The following PPARGC1A variants were observed in gnomAD, a reference collection of about 807,000 sequenced individuals.
The protein encoded by PPARGC1A is peroxisome proliferator-activated receptor gamma coactivator 1-alpha.
A neutral mutation model predicts 88.7 loss-of-function variants in PPARGC1A; 25 were observed. The observed-to-expected ratio is 0.28, with a 90% CI of 0.21 to 0.39. The LOEUF (loss-of-function observed/expected upper bound fraction) is 0.39. Ranked by LOEUF, PPARGC1A falls within the 10% of genes least tolerant of loss-of-function variation. The pLI is 1.00. For missense variants in PPARGC1A, 880 were observed against 968.7 expected (o/e 0.91, Z 1.22); for synonymous variants, 363 against 355.6 (o/e 1.02, Z -0.24).
chr4:23,836,759 T>G (rs1726094589), intron 2 of PPARGC1A, among the ~76,000 whole-genome samples: 1 of 152,158 alleles, frequency 6.6e-6, no homozygotes, highest in Admixed American at 6.5e-5. Context: ...TTTGTAATAT[T>G]TGGGTCTTCT....
At chr4:24,335,001 G>A in the PPARGC1A span, among the ~76,000 whole-genome samples, 1 of 152,316 alleles carries the variant, frequency 6.6e-6, no homozygotes, top group South Asian at 2.1e-4. Context: ...AGAACCTTCA[G>A]AGGTTTCCAT....
rs539639339 is a variant in PPARGC1A, at chr4:23,866,484, A to G, written c.234+18268T>C. ...TAATATTGGGATGTTTTAAAAATCT[A>G]TATGAAAAAAGCTCTTAACACAAGA... On this transcript the variant is annotated intron_variant, in intron 2 of 12. Coordinates refer to ENST00000264867, the MANE Select transcript of PPARGC1A (RefSeq NM_013261.5). 2.2e-4 allele frequency among the ~76,000 whole-genome samples: 33 copies of G among 152,304 alleles called. 1 individual carries two copies. The highest frequency in any genetic ancestry group is 7.7e-4 in the African/African-American group (32 of 41,566).
chr4:24,204,675 C>T, the PPARGC1A span, among the ~76,000 whole-genome samples: 1 of 152,046 alleles, frequency 6.6e-6, no homozygotes, highest in African/African-American at 2.4e-5. Flanking sequence ...CCTTCCTTTG[C>T]GACTCAGTAA....
At chr4:24,032,839 T>C in the PPARGC1A span, among the ~76,000 whole-genome samples, 1 of 152,208 alleles carries the variant, frequency 6.6e-6, no homozygotes, top group South Asian at 2.1e-4. Flanking sequence ...ACAGACCACA[T>C]GCTCAATAAA....
At chr4:24,038,055 G>A in the PPARGC1A span, among the ~76,000 whole-genome samples, 1 of 152,138 alleles carries the variant, frequency 6.6e-6, no homozygotes, top group Non-Finnish European at 1.5e-5. Flanking sequence ...ATGGCACACA[G>A]TTCAGCAAGC....
rs191577675 is a variant in PPARGC1A at position 23,802,858 on chromosome 4, A to C, written c.2020-513T>G. ...CTTCAGTATCAATCTCTTCTTGCTC[A>C]CATAGATTCTTCTCTTCACCTCTAC... is the stretch of plus-strand genomic sequence containing the variant. On this transcript the variant is annotated intron_variant, in intron 10 of 12. Coordinates refer to ENST00000264867, the MANE Select transcript of PPARGC1A (RefSeq NM_013261.5). Among the ~76,000 whole-genome samples the C allele has an allele frequency of 5.7e-3, 875 of 152,250 alleles. 3 individuals carry two copies. Among genetic ancestry groups the C allele is most frequent in the Non-Finnish European group, 9.5e-3 (645 of 68,014 alleles).
rs759947287 is a variant in PPARGC1A, at chr4:23,889,975, C to T, written c.-18G>A. 2.5e-6 allele frequency: 4 copies of T among 1,613,456 alleles called. No homozygotes were observed. The highest frequency in any genetic ancestry group is 3.4e-6 in the Non-Finnish European group (4 of 1,179,690). On this transcript the variant is annotated 5_prime_UTR_variant, in exon 1 of 13. Transcript: ENST00000264867. ...CACGCCATCCAGCTCCTGAATGACG[C>T]CAGTCAAGCTTTTTCAACTCCAATC...
chr4:24,051,730 G>A, the PPARGC1A span, among the ~76,000 whole-genome samples: 1 of 152,210 alleles, frequency 6.6e-6, no homozygotes, highest in African/African-American at 2.4e-5. Context: ...CTGGTAGGAA[G>A]AGGGGCTGGG....
chr4:24,223,315 T>G, the PPARGC1A span, among the ~76,000 whole-genome samples: 1 of 149,070 alleles, frequency 6.7e-6, no homozygotes, highest in Admixed American at 6.8e-5. Flanking sequence ...AGTGGCACGA[T>G]CTCAGCCAAC....
chr4:23,800,291 A>G (rs2932964), intron 12 of PPARGC1A, among the ~76,000 whole-genome samples: 150,716 of 152,178 alleles, frequency 0.99, 74,647 homozygotes, highest in East Asian at 1. Context: ...CAAGACACTT[A>G]TCACTTTCCT....
At chr4:23,902,515 A>G (rs1188068813), upstream of PPARGC1A, among the ~76,000 whole-genome samples, 1 of 152,202 alleles carries the variant, frequency 6.6e-6, no homozygotes, top group Non-Finnish European at 1.5e-5. Flanking sequence ...CCCTGGGGCA[A>G]TCCCATAAAA....
chr4:24,330,187 G>A, the PPARGC1A span, among the ~76,000 whole-genome samples: 2 of 152,174 alleles, frequency 1.3e-5, no homozygotes, highest in Non-Finnish European at 2.9e-5. Context: ...CTCTCATTGA[G>A]AGGTGGGGTC....
chr4:24,252,895 GTTCT>G, the PPARGC1A span, among the ~76,000 whole-genome samples: 2 of 152,012 alleles, frequency 1.3e-5, no homozygotes, highest in African/African-American at 4.8e-5. Context: ...CAAGTGTGTA[GTTCT>G]TTCTATTTGA....
the PPARGC1A span, among the ~76,000 whole-genome samples, chr4:24,038,477 T>C: frequency 7.2e-5 from 11 of 152,284 alleles, no homozygotes; most frequent in African/African-American, 2.4e-4. Context: ...TCAGGGACCA[T>C]GTTCTAGAGT....
At chr4:23,816,346 T>A (rs183615335) in intron 7 of PPARGC1A, among the ~76,000 whole-genome samples, 1 of 152,220 alleles carries the variant, frequency 6.6e-6, no homozygotes, top group African/African-American at 2.4e-5. Flanking sequence ...TCTGTGCCAC[T>A]GAGGCACACT....
the PPARGC1A span, among the ~76,000 whole-genome samples, chr4:24,361,494 T>A: frequency 3.9e-5 from 6 of 152,220 alleles, no homozygotes; most frequent in Admixed American, 2.0e-4. Flanking sequence ...TCCTTCTGTT[T>A]GACTCTCTCT....
the PPARGC1A span, among the ~76,000 whole-genome samples, chr4:23,978,304 T>C: frequency 1.3e-5 from 2 of 152,242 alleles, no homozygotes; most frequent in African/African-American, 4.8e-5. Flanking sequence ...ACAGTTAGAC[T>C]ATGCTCCATT....
At chr4:24,167,790 G>T in the PPARGC1A span, among the ~76,000 whole-genome samples, 3 of 152,162 alleles carry the variant, frequency 2.0e-5, no homozygotes, top group Non-Finnish European at 2.9e-5. Flanking sequence ...GTCTCACTCT[G>T]TCACCCAGGC....
the PPARGC1A span, among the ~76,000 whole-genome samples, chr4:23,991,653 T>A: frequency 6.6e-6 from 1 of 152,018 alleles, no homozygotes; most frequent in Admixed American, 6.6e-5. Context: ...AAACTAATTT[T>A]AAGAGTTTCA....
Sources: allele counts gnomAD v4.1 joint callset (sites outside exome capture counted in the v4.1 genomes callset), GRCh38; gene constraint gnomAD v4.1.1; transcripts MANE v1.5; gene names NCBI Gene and HGNC (gene_info 2026-07-23, HGNC 2026-07-21).